The following KCNIP1 variants were observed in gnomAD, a reference collection of about 807,000 sequenced individuals.
KCNIP1 encodes the protein A-type potassium channel modulatory protein KCNIP1.
Under a neutral mutation model 33.0 loss-of-function variants are expected in KCNIP1, and 18 were observed. The observed-to-expected ratio is 0.55, with a 90% CI of 0.38 to 0.81. The LOEUF (loss-of-function observed/expected upper bound fraction) is 0.81, where lower values mean the gene tolerates loss of function less well. Among genes scored for constraint, KCNIP1 ranks in the 30% least tolerant of loss-of-function variants. The pLI, the probability that KCNIP1 is intolerant of heterozygous loss-of-function variation, is 0.00. For missense variants in KCNIP1, 238 were observed against 271.6 expected (o/e 0.88, Z 0.87); for synonymous variants, 93 against 98.3 (o/e 0.95, Z 0.32).
At chr5:170,469,229 C>CA (rs999974067) in intron 1 of KCNIP1, among the ~76,000 whole-genome samples, 5 of 151,746 alleles carry the variant, frequency 3.3e-5, no homozygotes, top group South Asian at 2.1e-4. Context: ...ACCCGATCTG[C>CA]AAAAAAACAT....
chr5:170,451,723 T>TTGTGTGTGTGTGTGTGTGTG (rs67542248), intron 1 of KCNIP1, among the ~76,000 whole-genome samples: 97 of 122,966 alleles, frequency 7.9e-4, no homozygotes, highest in South Asian at 1.5e-3. Flanking sequence ...TTCTCCTGCA[T>TTGTGTGTGTGTGTGTGTGTG]TGTGTGTGTG....
intron 1 of KCNIP1, among the ~76,000 whole-genome samples, chr5:170,455,216 T>C (rs568296216): frequency 1.3e-5 from 2 of 152,284 alleles, no homozygotes; most frequent in East Asian, 3.9e-4. Context: ...ATACACCAAC[T>C]AGGCCTAATG....
At chr5:170,605,148 G>A (rs780830228) in intron 1 of KCNIP1, among the ~76,000 whole-genome samples, 26 of 152,122 alleles carry the variant, frequency 1.7e-4, no homozygotes, top group Non-Finnish European at 3.4e-4. Context: ...ATTTCAGAAT[G>A]GGGATGAGAA....
At chr5:170,694,749 G>A (rs149984320) in intron 1 of KCNIP1, among the ~76,000 whole-genome samples, 135 of 152,108 alleles carry the variant, frequency 8.9e-4, no homozygotes, top group African/African-American at 2.6e-3. Context: ...GCCTGAAAGC[G>A]TCACACATAT....
intron 1 of KCNIP1, among the ~76,000 whole-genome samples, chr5:170,656,249 C>T (rs984210741): frequency 3.3e-5 from 5 of 152,244 alleles, no homozygotes; most frequent in Non-Finnish European, 7.3e-5. Flanking sequence ...GAATGAAGCT[C>T]AGTGCACACA....
chr5:170,354,393 G>A (rs1453381833), intron 1 of KCNIP1, among the ~76,000 whole-genome samples: 1 of 152,228 alleles, frequency 6.6e-6, no homozygotes, highest in Non-Finnish European at 1.5e-5. Flanking sequence ...CCAGTGGGAG[G>A]TGGTGATGGG....
At chr5:170,574,601 C>T (rs1188574230) in intron 1 of KCNIP1, among the ~76,000 whole-genome samples, 1 of 152,236 alleles carries the variant, frequency 6.6e-6, no homozygotes, top group Non-Finnish European at 1.5e-5. Context: ...CGATTATCTT[C>T]TGCTTTACAA....
chr5:170,562,114 G>A (rs1006386087), intron 1 of KCNIP1, among the ~76,000 whole-genome samples: 7 of 152,158 alleles, frequency 4.6e-5, no homozygotes, highest in Non-Finnish European at 7.4e-5. Flanking sequence ...TAGATATGTG[G>A]CAAATGTTTA....
chr5:170,583,409 G>A (rs1223474568), intron 1 of KCNIP1, among the ~76,000 whole-genome samples: 1 of 151,110 alleles, frequency 6.6e-6, no homozygotes, highest in African/African-American at 2.5e-5. Context: ...TGTTGTGATC[G>A]AGATCGTGGT....
intron 1 of KCNIP1, among the ~76,000 whole-genome samples, chr5:170,371,648 A>G (rs904586348): frequency 6.6e-6 from 1 of 152,196 alleles, no homozygotes; most frequent in African/African-American, 2.4e-5. Context: ...GGATGTTGTT[A>G]CTGTTCAATG....
chr5:170,562,569 G>A (rs1201492085), intron 1 of KCNIP1, among the ~76,000 whole-genome samples: 3 of 152,118 alleles, frequency 2.0e-5, no homozygotes, highest in Admixed American at 6.5e-5. Context: ...GTGGGTCCCC[G>A]CAAATGCATT....
At chr5:170,730,262 T>G (rs1581555940) in intron 5 of KCNIP1, among the ~76,000 whole-genome samples, 1 of 152,172 alleles carries the variant, frequency 6.6e-6, no homozygotes, top group East Asian at 1.9e-4. Flanking sequence ...TCAACTTTGG[T>G]TCACTCATTA....
intron 1 of KCNIP1, among the ~76,000 whole-genome samples, chr5:170,403,364 A>T (rs1487421824): frequency 1.3e-5 from 2 of 152,254 alleles, no homozygotes; most frequent in Admixed American, 1.3e-4. Flanking sequence ...AGAATTGTGA[A>T]CATGATCTTC....
chr5:170,372,335 G>A (rs1342512878), intron 1 of KCNIP1, among the ~76,000 whole-genome samples: 5 of 152,114 alleles, frequency 3.3e-5, no homozygotes, highest in African/African-American at 1.2e-4. Flanking sequence ...GCACCTTGAC[G>A]TGTTCACCAA....
At chr5:170,590,190 G>A (rs1417057618) in intron 1 of KCNIP1, among the ~76,000 whole-genome samples, 1 of 152,112 alleles carries the variant, frequency 6.6e-6, no homozygotes, top group Non-Finnish European at 1.5e-5. Context: ...AGGTAGTTGG[G>A]AGTTTTACAC....
At chr5:170,728,990 C>T (rs1031280241) in intron 5 of KCNIP1, among the ~76,000 whole-genome samples, 1 of 151,884 alleles carries the variant, frequency 6.6e-6, no homozygotes, top group Non-Finnish European at 1.5e-5. Flanking sequence ...GGTACAAATA[C>T]CATCTTGGTT....
intron 1 of KCNIP1, among the ~76,000 whole-genome samples, chr5:170,507,106 T>C (rs567601659): frequency 6.2e-4 from 95 of 152,298 alleles, no homozygotes; most frequent in African/African-American, 2.2e-3. Flanking sequence ...CTAATATTTT[T>C]ATGGTTGATG....
intron 1 of KCNIP1, among the ~76,000 whole-genome samples, chr5:170,372,776 C>T (rs1051307096): frequency 6.6e-6 from 1 of 152,174 alleles, no homozygotes; most frequent in Admixed American, 6.5e-5. Flanking sequence ...GTAAAAGGGG[C>T]TCCAGAATTG....
At chr5:170,386,122 CA>C (rs57184065) in intron 1 of KCNIP1, among the ~76,000 whole-genome samples, 49 of 133,676 alleles carry the variant, frequency 3.7e-4, no homozygotes, top group Admixed American at 4.5e-4. Context: ...AAGACTCCGT[CA>C]AAAAAAAAAA....
Sources: allele counts gnomAD v4.1 joint callset (sites outside exome capture counted in the v4.1 genomes callset), GRCh38; gene constraint gnomAD v4.1.1; transcripts MANE v1.5; gene names NCBI Gene and HGNC (gene_info 2026-07-23, HGNC 2026-07-21).